Variants in BPIFA2 observed in about 807,000 individuals in gnomAD.
The protein encoded by BPIFA2 is BPI fold containing family A member 2.
A neutral mutation model predicts 25.7 loss-of-function variants in BPIFA2; 20 were observed. The ratio of observed to expected loss-of-function variants is 0.78; its 90% CI spans 0.55 to 1.13. The LOEUF (loss-of-function observed/expected upper bound fraction) is 1.13, where lower values mean the gene tolerates loss of function less well. Ranked by LOEUF, BPIFA2 falls within the 50% of genes most tolerant of loss-of-function variation. The probability of loss-of-function intolerance (pLI) is 0.00; values close to 1 mark genes in which losing one functional copy is unlikely to be tolerated. For synonymous variants in BPIFA2, 126 were observed against 124.3 expected, an observed-to-expected ratio of 1.01 and a Z score of -0.09; for missense variants, 300 against 298.1, an observed-to-expected ratio of 1.01 and a Z score of -0.05.
At chr20:33,163,746 C>T (rs1021687566), upstream of BPIFA2, among the ~76,000 whole-genome samples, 7 of 151,882 alleles carry the variant, frequency 4.6e-5, no homozygotes, top group South Asian at 2.1e-4. Flanking sequence ...CACTTGAATC[C>T]GGGAGGTGGA....
At position 33,174,228 on chromosome 20, in the gene BPIFA2, A is replaced by G. The variant is rs1984001290; in HGVS notation, c.410+42A>G. On this transcript the variant is annotated intron_variant, in intron 4 of 8. Transcript: ENST00000354932. ...ATCTGAGATTTGGGAAAGGCAGTGC[A>G]ACCTGGCCGATGGATGCCCAACCTG... 3 of 1,587,032 alleles carry G rather than the reference A, an allele frequency of 1.9e-6. No homozygotes were observed. In the East Asian group the frequency reaches 6.7e-5, roughly 35 times the overall value.
chr20:33,165,196 G>A (rs1194350145), upstream of BPIFA2, among the ~76,000 whole-genome samples: 2 of 152,236 alleles, frequency 1.3e-5, no homozygotes, highest in Non-Finnish European at 2.9e-5. Flanking sequence ...CGTGTGAACA[G>A]GTTTTGTTGC....
intron 2 of BPIFA2, among the ~76,000 whole-genome samples, chr20:33,170,047 C>G (rs1332935076): frequency 6.6e-6 from 1 of 152,202 alleles, no homozygotes; most frequent in Non-Finnish European, 1.5e-5. Flanking sequence ...GGCTGCCTTT[C>G]AAACCTTGTC....
At chr20:33,162,046 T>A (rs566223833) in intron 1 of BPIFA2, 2 of 152,240 alleles carry the variant, frequency 1.3e-5, no homozygotes, top group Non-Finnish European at 2.9e-5. Flanking sequence ...AATGGTGAGA[T>A]CTTGGCTCAC....
At chr20:33,166,433 T>C (rs1276826141), upstream of BPIFA2, among the ~76,000 whole-genome samples, 1 of 152,236 alleles carries the variant, frequency 6.6e-6, no homozygotes, top group African/African-American at 2.4e-5. Flanking sequence ...CAGCATCTTC[T>C]TCGCCATCTT....
chr20:33,173,341 A>C lies in BPIFA2; in HGVS notation c.302+265A>C, dbSNP rs561310027. 7.9e-5 allele frequency among the ~76,000 whole-genome samples: 12 copies of C among 152,250 alleles called. No homozygotes were observed. The South Asian group carries it at 2.5e-3, about 32-fold the overall frequency. On this transcript the variant is annotated intron_variant, in intron 3 of 8. Coordinates refer to ENST00000354932, the MANE Select transcript of BPIFA2 (RefSeq NM_080574.4). ...GAAGGTTATATTTATCCTTACCTCT[A>C]CCCATTTGCTGGTACACAAAGTCCC...
At chr20:33,168,612 T>C (rs547593263) in intron 1 of BPIFA2, among the ~76,000 whole-genome samples, 1 of 152,368 alleles carries the variant, frequency 6.6e-6, no homozygotes, top group East Asian at 1.9e-4. Flanking sequence ...GCAGGCTTTT[T>C]ACTGGCGCCT....
At chr20:33,172,418 T>A (rs544240041) in intron 2 of BPIFA2, among the ~76,000 whole-genome samples, 4,322 of 152,210 alleles carry the variant, frequency 0.028, 184 homozygotes, top group African/African-American at 0.096. Flanking sequence ...AAAAAATTAT[T>A]ATTATTGCTC....
chr20:33,167,635 G>T (rs928512561), upstream of BPIFA2, among the ~76,000 whole-genome samples: 4 of 151,574 alleles, frequency 2.6e-5, no homozygotes, highest in Non-Finnish European at 5.9e-5. Context: ...ACAAGCAGCT[G>T]CCAGGCATCT....
Position 33,173,020 on chromosome 20 carries a change from G to GAAATTGCTGAAA in BPIFA2, c.257_258insAAAATTGCTGAA (p.Leu85_Asn86insLysLysLeuLeu). 6.2e-7 allele frequency: 1 copy of GAAATTGCTGAAA among 1,614,110 alleles called. No individual in the cohort carries two copies. Among genetic ancestry groups the GAAATTGCTGAAA allele is most frequent in the South Asian group, 1.1e-5 (1 of 91,066 alleles). On this transcript the variant is annotated inframe_insertion, in exon 3 of 9. Transcript: ENST00000354932. ...CCAAGCAGAAGGCCCAGGAAGCTGAGAAATTGCTGAACAATGTCATTTCTA... is the reference window on the plus strand; with the variant it reads ...CCAAGCAGAAGGCCCAGGAAGCTGAGAAATTGCTGAAAAAATTGCTGAACAATGTCATTTCTA...
intron 7 of BPIFA2, among the ~76,000 whole-genome samples, chr20:33,180,235 AAAGAAG>A (rs946362192): frequency 1.1e-4 from 17 of 152,012 alleles, no homozygotes; most frequent in African/African-American, 3.9e-4. Context: ...AGAAAAAAAA[AAAGAAG>A]AAGAAGAAAG....
chr20:33,180,412 T>C, intron 7 of BPIFA2, 108 bp from the exon 8 acceptor site: 1 of 1,209,360 alleles, frequency 8.3e-7, no homozygotes, highest in Non-Finnish European at 1.2e-6. Flanking sequence ...ATCCCTGGGG[T>C]CCCACAACTG....
At chr20:33,176,957 C>T (rs1984099996) in intron 5 of BPIFA2, among the ~76,000 whole-genome samples, 2 of 152,174 alleles carry the variant, frequency 1.3e-5, no homozygotes, top group Non-Finnish European at 2.9e-5. Context: ...CAGGGCTCCT[C>T]CTATTCTCTC....
chr20:33,176,888 C>T (rs1984096906), intron 5 of BPIFA2, among the ~76,000 whole-genome samples: 1 of 151,888 alleles, frequency 6.6e-6, no homozygotes, highest in Non-Finnish European at 1.5e-5. Flanking sequence ...GCTCTGGCTA[C>T]CTAGAGCACC....
rs182934430 is a variant in BPIFA2 at position 33,175,538 on chromosome 20, T to A, written c.542T>A (p.Ile181Asn). The change falls in exon 5 of 9, where the codon ATC becomes AAC. Residue 181 changes from isoleucine to asparagine, a missense_variant. By Grantham distance (149) the Ile-to-Asn change is moderately radical (BLOSUM62 -3). Coordinates refer to ENST00000354932, the MANE Select transcript of BPIFA2 (RefSeq NM_080574.4). Reference sequence around the variant, plus strand: ...GAATGCGCCAGTGACCCAACCAGCATCTCACTTTCCTTGCTGGACAAGTAA... The same window carrying A: ...GAATGCGCCAGTGACCCAACCAGCAACTCACTTTCCTTGCTGGACAAGTAA... Reference protein sequence around the residue: ...LGECASDPTSISLSLLDKHSQ... With the variant: ...LGECASDPTSNSLSLLDKHSQ... 4.3e-6 allele frequency: 7 copies of A among 1,614,110 alleles called. No individual in the cohort carries two copies. The African/African-American group carries it at 8.0e-5, about 18-fold the overall frequency.
intron 5 of BPIFA2, among the ~76,000 whole-genome samples, chr20:33,176,711 T>A (rs1438821199): frequency 6.6e-6 from 1 of 152,144 alleles, no homozygotes; most frequent in Non-Finnish European, 1.5e-5. Context: ...TGTGGTTCAA[T>A]CCCAAGTGCT....
intron 5 of BPIFA2, 30 bp downstream of exon 5, chr20:33,175,589 G>A (rs754179084): frequency 1.2e-5 from 20 of 1,608,008 alleles, no homozygotes; most frequent in Non-Finnish European, 1.7e-5. Context: ...GTAGAGCTGG[G>A]CTCTCAGGGA....
chr20:33,175,407 G>C lies in BPIFA2; in HGVS notation c.411G>C (p.Gly137=). The C allele has an allele frequency of 1.9e-6, 3 of 1,613,432 alleles. No homozygotes were observed. The highest frequency in any genetic ancestry group is 2.5e-6 in the Non-Finnish European group (3 of 1,179,632). The change falls in exon 5 of 9, where the codon GGG becomes GGC. Residue 137 remains glycine, a splice_region_variant and synonymous_variant. Coordinates refer to ENST00000354932, the MANE Select transcript of BPIFA2 (RefSeq NM_080574.4). ...TCACTGTGCATCTTACTTCCTGCAG[G>C]CCCATCATTGGCCAGATTATCAACC... ...FPVTANVTVA[G]PIIGQIINLK... is the part of the protein sequence containing the mutation.
At chr20:33,174,273 C>A in intron 4 of BPIFA2, 87 bp downstream of exon 4, 1 of 1,185,588 alleles carries the variant, frequency 8.4e-7, no homozygotes, top group Non-Finnish European at 1.3e-6. Flanking sequence ...CACCTCCTCC[C>A]GCTGCTGGGT....
Sources: allele counts gnomAD v4.1 joint callset (sites outside exome capture counted in the v4.1 genomes callset), GRCh38; gene constraint gnomAD v4.1.1; transcripts MANE v1.5; gene names NCBI Gene and HGNC (gene_info 2026-07-23, HGNC 2026-07-21).